Variants in TENM2 observed in about 807,000 individuals in gnomAD.
The protein encoded by TENM2 is teneurin-2.
TENM2 carries 52 observed loss-of-function variants against 245.2 expected under a neutral mutation model. The observed-to-expected ratio is 0.21, with a 90% CI of 0.17 to 0.27. The LOEUF (loss-of-function observed/expected upper bound fraction) is 0.27, where lower values mean the gene tolerates loss of function less well. Ranked by LOEUF, TENM2 falls within the 10% of genes least tolerant of loss-of-function variation. The probability of loss-of-function intolerance (pLI) is 1.00; values close to 1 mark genes in which losing one functional copy is unlikely to be tolerated. For synonymous variants in TENM2, 1,363 were observed against 1,438.9 expected, an observed-to-expected ratio of 0.95 and a Z score of 1.19; for missense variants, 3,046 against 3,666.8, an observed-to-expected ratio of 0.83 and a Z score of 4.37.
chr5:168,080,854 T>C lies in TENM2; in HGVS notation c.1516-9720T>C, dbSNP rs150987211. On this transcript the variant is annotated intron_variant, in intron 7 of 28. Coordinates refer to ENST00000518659, the Ensembl canonical transcript of TENM2. ...CTGAGGAGTGCTTTAATTCCAACTA[T>C]GCGGTCAATTTTGGAATAAGTGTGA... Among the ~76,000 whole-genome samples, 1,061 of 152,360 alleles carry C rather than the reference T, an allele frequency of 7.0e-3. 8 individuals carry two copies. Among genetic ancestry groups the C allele is most frequent in the African/African-American group, 0.024 (1,016 of 41,584 alleles).
exon 8 of TENM2, chr5:168,090,603 G>A (rs1382270798): frequency 2.5e-6 from 4 of 1,613,512 alleles, no homozygotes; most frequent in Non-Finnish European, 3.4e-6. Context: ...TGGACGGGAA[G>A]GAGAAGTGGA....
intron 5 of TENM2, among the ~76,000 whole-genome samples, chr5:168,043,144 C>T (rs1788340696): frequency 6.6e-6 from 1 of 152,170 alleles, no homozygotes; most frequent in African/African-American, 2.4e-5. Flanking sequence ...GGAACCACCC[C>T]AGTGCATCCA....
intron 2 of TENM2, among the ~76,000 whole-genome samples, chr5:167,579,867 C>T (rs1182860018): frequency 6.6e-6 from 1 of 152,128 alleles, no homozygotes; most frequent in Admixed American, 6.5e-5. Context: ...TGCTGTAAAG[C>T]TTTGTAAAAC....
At chr5:167,800,048 A>G (rs1398606321) in intron 2 of TENM2, among the ~76,000 whole-genome samples, 1 of 152,248 alleles carries the variant, frequency 6.6e-6, no homozygotes, top group African/African-American at 2.4e-5. Flanking sequence ...TGTTGTATGT[A>G]GATCCACATG....
At chr5:167,395,570 G>T (rs751993718) in intron 2 of TENM2, among the ~76,000 whole-genome samples, 1 of 152,186 alleles carries the variant, frequency 6.6e-6, no homozygotes, top group Non-Finnish European at 1.5e-5. Flanking sequence ...TATCCTTGTC[G>T]TGTCCTTGAT....
At chr5:167,881,454 T>C (rs779329288) in intron 3 of TENM2, among the ~76,000 whole-genome samples, 22 of 152,328 alleles carry the variant, frequency 1.4e-4, no homozygotes, top group Admixed American at 1.0e-3. Flanking sequence ...GACAGATTCA[T>C]AGTAGACACT....
exon 6 of TENM2, chr5:168,047,446 C>T (rs1275914084): frequency 1.0e-5 from 16 of 1,551,576 alleles, no homozygotes; most frequent in Non-Finnish European, 1.4e-5. Context: ...TGCTCGGACT[C>T]AATTGGCAAC....
At chr5:168,114,349 G>A (rs12153437) in intron 9 of TENM2, among the ~76,000 whole-genome samples, 45,540 of 152,048 alleles carry the variant, frequency 0.3, 7,271 homozygotes, top group East Asian at 0.62. Context: ...CTTCTGCTCC[G>A]TAATACTTCT....
chr5:167,228,770 T>C, the TENM2 span, among the ~76,000 whole-genome samples: 1 of 151,708 alleles, frequency 6.6e-6, no homozygotes, highest in Admixed American at 6.6e-5. Flanking sequence ...AGTGGCGCAA[T>C]CTCGGCTCAC....
chr5:167,183,615 A>C, the TENM2 span, among the ~76,000 whole-genome samples: 1 of 152,134 alleles, frequency 6.6e-6, no homozygotes, highest in Admixed American at 6.6e-5. Flanking sequence ...ACTTGGGGAC[A>C]CACTTTTTCC....
At chr5:167,743,506 A>G (rs1761345640) in intron 2 of TENM2, among the ~76,000 whole-genome samples, 2 of 152,216 alleles carry the variant, frequency 1.3e-5, no homozygotes, top group Admixed American at 6.5e-5. Flanking sequence ...AAATAAATAA[A>G]TAAGTTTTTA....
intron 12 of TENM2, among the ~76,000 whole-genome samples, chr5:168,161,698 C>T (rs1434190264): frequency 6.6e-6 from 1 of 152,064 alleles, no homozygotes; most frequent in Non-Finnish European, 1.5e-5. Flanking sequence ...CTTTTCTCCC[C>T]CAGTCTCCCT....
the TENM2 span, among the ~76,000 whole-genome samples, chr5:167,095,421 T>A: frequency 7.9e-5 from 12 of 151,856 alleles, no homozygotes; most frequent in Admixed American, 2.6e-4. Context: ...AGTGACCAAG[T>A]GAAGAGGGAC....
chr5:168,167,756 T>C (rs984174144), intron 13 of TENM2, among the ~76,000 whole-genome samples: 2 of 152,118 alleles, frequency 1.3e-5, no homozygotes, highest in African/African-American at 4.8e-5. Flanking sequence ...GGCTTCAGAG[T>C]CAGCCTTTGT....
chr5:167,746,675 C>CAGAG (rs57973052), intron 2 of TENM2, among the ~76,000 whole-genome samples: 13,907 of 116,980 alleles, frequency 0.12, 975 homozygotes, highest in Middle Eastern at 0.16. Context: ...AAATTACCAA[C>CAGAG]AGAGAGAGAG....
At chr5:167,820,895 A>T (rs1373545873) in intron 2 of TENM2, among the ~76,000 whole-genome samples, 1 of 152,204 alleles carries the variant, frequency 6.6e-6, no homozygotes, top group Non-Finnish European at 1.5e-5. Flanking sequence ...GTTCTTTTGC[A>T]GGAAGGAAAC....
At chr5:167,661,804 C>T (rs1240768089) in intron 2 of TENM2, among the ~76,000 whole-genome samples, 1 of 151,510 alleles carries the variant, frequency 6.6e-6, no homozygotes, top group Admixed American at 6.5e-5. Flanking sequence ...TGTCTGTCTC[C>T]CTCTGGCTTA....
At chr5:167,885,740 A>G (rs1304075098) in intron 3 of TENM2, among the ~76,000 whole-genome samples, 1 of 152,138 alleles carries the variant, frequency 6.6e-6, no homozygotes, top group Admixed American at 6.5e-5. Context: ...CTAGAGTGCA[A>G]TGGCATGGTC....
intron 4 of TENM2, among the ~76,000 whole-genome samples, chr5:167,968,512 C>T (rs1355961316): frequency 6.6e-6 from 1 of 152,184 alleles, no homozygotes; most frequent in African/African-American, 2.4e-5. Context: ...AACCAGCATT[C>T]ATGAGTCCAT....
Sources: gnomAD v4.1 joint callset for allele counts (sites outside exome capture counted in the v4.1 genomes callset) on GRCh38, gnomAD v4.1.1 for gene constraint, MANE v1.5 for transcripts, NCBI Gene and HGNC (gene_info 2026-07-23, HGNC 2026-07-21) for gene names.